Variants in INTS8 observed in about 807,000 individuals in gnomAD.
INTS8 encodes integrator complex subunit 8.
INTS8 carries 47 observed loss-of-function variants against 138.9 expected under a neutral mutation model. The observed-to-expected ratio is 0.34, with a 90% confidence interval of 0.27 to 0.43. INTS8 has a LOEUF of 0.43. Among genes scored for constraint, INTS8 ranks in the 20% least tolerant of loss-of-function variants. The probability of loss-of-function intolerance (pLI) is 1.00; values close to 1 mark genes in which losing one functional copy is unlikely to be tolerated. For synonymous variants in INTS8, 392 were observed against 400.9 expected, an observed-to-expected ratio of 0.98 and a Z score of 0.27; for missense variants, 996 against 1,173.0, an observed-to-expected ratio of 0.85 and a Z score of 2.20.
intron 12 of INTS8, among the ~76,000 whole-genome samples, chr8:94,850,463 T>G (rs918133431): frequency 2.0e-5 from 3 of 151,970 alleles, no homozygotes; most frequent in African/African-American, 7.2e-5. Context: ...ATACAAAAAA[T>G]TAGCCAGGCA....
At chr8:94,824,227 A>G (rs928290128) in intron 1 of INTS8, among the ~76,000 whole-genome samples, 10 of 152,220 alleles carry the variant, frequency 6.6e-5, no homozygotes, top group African/African-American at 2.2e-4. Flanking sequence ...TTCCTCGGAT[A>G]GCATTTCTCT....
At chr8:94,876,939 A>G (rs879830794) in intron 26 of INTS8, among the ~76,000 whole-genome samples, 4 of 152,160 alleles carry the variant, frequency 2.6e-5, no homozygotes, top group Admixed American at 6.6e-5. Flanking sequence ...TCTCTCGTCA[A>G]TCATCCTTTC....
intron 26 of INTS8, 187 bp from the exon 27 acceptor site, chr8:94,879,931 C>G: frequency 2.3e-6 from 1 of 426,948 alleles, no homozygotes; most frequent in South Asian, 4.8e-5. Context: ...GTCCATCTTT[C>G]CTTGAGAGTG....
intron 21 of INTS8, among the ~76,000 whole-genome samples, chr8:94,873,143 C>T (rs769648544): frequency 3.9e-5 from 6 of 152,198 alleles, no homozygotes; most frequent in Non-Finnish European, 8.8e-5. Context: ...TTCTGAACTA[C>T]TTCACAAAAT....
Position 94,832,054 on chromosome 8 carries a change from T to C in INTS8, c.633T>C (p.Asp211=). Residue 211 remains aspartate (D), a synonymous_variant, in exon 6 of 27, where the codon GAT becomes GAC. Transcript: ENST00000523731. ...AAGCAGCCCTAAAATTAAACAAGGA[T>C]CTTTATGTCCATACGATGAGAACTC... is the stretch of plus-strand genomic sequence containing the variant. The part of the protein sequence containing the change: ...VLEAALKLNK[D]LYVHTMRTLD... 1 of 1,613,472 alleles carries C rather than the reference T, an allele frequency of 6.2e-7. No individual in the cohort carries two copies. Among genetic ancestry groups the C allele is most frequent in the South Asian group, 1.1e-5 (1 of 90,910 alleles).
intron 20 of INTS8, among the ~76,000 whole-genome samples, chr8:94,868,971 C>T (rs920922710): frequency 6.8e-6 from 1 of 148,072 alleles, no homozygotes; most frequent in African/African-American, 2.5e-5. Context: ...CATGCCCACC[C>T]AGTTTTGGAT....
chr8:94,867,358 T>C (rs1470675362), intron 20 of INTS8, 21 bp downstream of exon 20: 1 of 1,571,316 alleles, frequency 6.4e-7, no homozygotes, highest in Non-Finnish European at 8.7e-7. Context: ...GTATAGCTTT[T>C]ATTTTATTAA....
chr8:94,825,430 A>C (rs1330585751), intron 2 of INTS8, among the ~76,000 whole-genome samples: 1 of 148,654 alleles, frequency 6.7e-6, no homozygotes, highest in East Asian at 1.9e-4. Context: ...AGACTCGGAA[A>C]AAAAAAAAAA....
In INTS8 at chr8:94,859,519, C is replaced by T. The variant is rs754519223; in HGVS notation, c.1963C>T (p.Leu655Phe). 10 of 1,612,660 alleles carry T rather than the reference C, an allele frequency of 6.2e-6. No individual in the cohort carries two copies. The highest frequency in any genetic ancestry group is 1.3e-5 in the African/African-American group (1 of 74,866). ...YLEMRLPDIP[L>F]RQVIAEECVA... ...TCTTCTTTGCTTTTTAGATATTCCT[C>T]TTCGTCAAGTTATAGCTGAGGAATG... The change falls in exon 16 of 27, where the codon CTT becomes TTT. Residue 655 changes from leucine (L) to phenylalanine (F), a missense_variant. Leu to Phe is a conservative substitution (Grantham distance 22). Transcript: ENST00000523731.
At chr8:94,879,274 A>G (rs562745542) in intron 26 of INTS8, among the ~76,000 whole-genome samples, 3 of 152,254 alleles carry the variant, frequency 2.0e-5, no homozygotes, top group South Asian at 2.1e-4. Flanking sequence ...TCTCTCTTCA[A>G]GCTACATATC....
rs148191593 is a variant in INTS8, at chr8:94,881,697, G to C, written c.*1463G>C. 66 of 1,613,634 alleles carry C rather than the reference G, an allele frequency of 4.1e-5. No homozygotes were observed. The highest frequency in any genetic ancestry group is 5.5e-5 in the Non-Finnish European group (65 of 1,179,844). ...GTCATAATGCCTCCATTGCACACTGGTGACAACTGTCCCCCTTTTCTGAAG... is the reference window on the plus strand; with the variant it reads ...GTCATAATGCCTCCATTGCACACTGCTGACAACTGTCCCCCTTTTCTGAAG... On this transcript the variant is annotated 3_prime_UTR_variant, in exon 27 of 27. Coordinates refer to ENST00000523731, the MANE Select transcript of INTS8 (RefSeq NM_017864.4).
intron 4 of INTS8, among the ~76,000 whole-genome samples, chr8:94,828,436 C>T (rs770050095): frequency 2.6e-5 from 4 of 152,062 alleles, no homozygotes; most frequent in Non-Finnish European, 4.4e-5. Flanking sequence ...AAAAGTTGAT[C>T]GTATCTGGAG....
intron 16 of INTS8, among the ~76,000 whole-genome samples, chr8:94,865,149 C>CT (rs1157548010): frequency 6.6e-6 from 1 of 151,810 alleles, no homozygotes; most frequent in Admixed American, 6.6e-5. Flanking sequence ...TTCCATTACA[C>CT]TTTTTTTTCC....
chr8:94,862,174 T>G (rs1213936712), intron 16 of INTS8, among the ~76,000 whole-genome samples: 1 of 151,756 alleles, frequency 6.6e-6, no homozygotes, highest in Non-Finnish European at 1.5e-5. Flanking sequence ...ACTCCTGACC[T>G]CAGGTGATCC....
intron 18 of INTS8, chr8:94,866,603 G>T: frequency 5.5e-6 from 1 of 180,698 alleles, no homozygotes. Flanking sequence ...AATTATTAAA[G>T]TGACCTGTTA....
intron 14 of INTS8, among the ~76,000 whole-genome samples, chr8:94,856,059 A>G (rs897929010): frequency 6.6e-6 from 1 of 152,208 alleles, no homozygotes; most frequent in Non-Finnish European, 1.5e-5. Flanking sequence ...AGGTCCAAGA[A>G]ATAGTGGTGT....
rs557494369 is a variant in INTS8, at chr8:94,859,428, G to A, written c.1955-83G>A. The A allele has an allele frequency of 4.5e-5, 63 of 1,388,566 alleles. No individual in the cohort carries two copies. In the East Asian group the frequency reaches 1.2e-3, roughly 27 times the overall value. The allele number at this position is 1,388,566 out of a possible 1,614,324, so 86.0% of individuals were successfully genotyped here. A position where few individuals can be genotyped will look rare whatever the true frequency, so the allele number is the denominator to read the frequency against. ...CATACCCGTCCTGTTTTTTTATTCA[G>A]TTGAAATCTGAGCAAGTATTTGCTT... On this transcript the variant is annotated intron_variant, in intron 15 of 26. Transcript: ENST00000523731.
chr8:94,873,254 C>T (rs954924899), intron 21 of INTS8, 120 bp from the exon 22 acceptor site: 1 of 773,216 alleles, frequency 1.3e-6, no homozygotes, highest in Non-Finnish European at 2.4e-6. Flanking sequence ...CATTTTATTT[C>T]TAGTTCTGTG....
intron 6 of INTS8, among the ~76,000 whole-genome samples, chr8:94,834,349 A>G (rs1263564184): frequency 7.0e-6 from 1 of 143,866 alleles, no homozygotes; most frequent in Non-Finnish European, 1.5e-5. Flanking sequence ...GTAAGTATGC[A>G]TATATGTGCA....
Sources: gnomAD v4.1 joint callset for allele counts (sites outside exome capture counted in the v4.1 genomes callset) on GRCh38, gnomAD v4.1.1 for gene constraint, MANE v1.5 for transcripts, NCBI Gene and HGNC (gene_info 2026-07-23, HGNC 2026-07-21) for gene names.